CASQ2: variants seen among roughly 807,000 people sequenced by gnomAD.
CASQ2 encodes the protein calsequestrin 2.
A neutral mutation model predicts 46.5 loss-of-function variants in CASQ2; 49 were observed. The observed-to-expected ratio is 1.05, with a 90% CI of 0.84 to 1.34. CASQ2 has a LOEUF of 1.34. Among genes scored for constraint, CASQ2 ranks in the 40% most tolerant of loss-of-function variants. The pLI, the probability that CASQ2 is intolerant of heterozygous loss-of-function variation, is 0.00. For synonymous variants in CASQ2, 174 were observed against 168.5 expected (o/e 1.03, Z -0.25); for missense variants, 486 against 481.3 (o/e 1.01, Z -0.09).
At chr1:115,704,882 G>T (rs1458431925) in intron 9 of CASQ2, among the ~76,000 whole-genome samples, 2 of 152,226 alleles carry the variant, frequency 1.3e-5, no homozygotes, top group African/African-American at 2.4e-5. Flanking sequence ...TAGTTCTGGG[G>T]ACTGGGAATG....
rs1305821530 is a variant in CASQ2, at chr1:115,700,710, T to C, written c.*531A>G. ...AACAAAGCCATGAGAATATGATTTATAAGTTTGCTTCCAAGGCTGAGCCTT... is the reference window on the plus strand; with the variant it reads ...AACAAAGCCATGAGAATATGATTTACAAGTTTGCTTCCAAGGCTGAGCCTT... On this transcript the variant is annotated 3_prime_UTR_variant, in exon 11 of 11. Transcript: ENST00000261448. 4 of 340,078 alleles carry C rather than the reference T, an allele frequency of 1.2e-5. No individual in the cohort carries two copies. Among genetic ancestry groups the C allele is most frequent in the Non-Finnish European group, 2.1e-5 (4 of 187,792 alleles). 21.1% of individuals were successfully genotyped at this position (340,078 alleles called of 1,614,324 possible).
In CASQ2 at chr1:115,761,609, C is replaced by T. The variant is rs181840345; in HGVS notation, c.234+6699G>A. Among the ~76,000 whole-genome samples, 26 of 150,676 alleles carry T rather than the reference C, an allele frequency of 1.7e-4. No homozygotes were observed. In the South Asian group the frequency reaches 3.0e-3, roughly 17 times the overall value. ...GCCTGAAGAGGCTACAGTCACTCTCCGCTAAAGTTTACTTTTTATTGATAT... is the reference window on the plus strand; with the variant it reads ...GCCTGAAGAGGCTACAGTCACTCTCTGCTAAAGTTTACTTTTTATTGATAT... On this transcript the variant is annotated intron_variant, in intron 1 of 10. Transcript: ENST00000261448.
At chr1:115,747,177 T>C (rs1042895398) in intron 1 of CASQ2, among the ~76,000 whole-genome samples, 1 of 152,228 alleles carries the variant, frequency 6.6e-6, no homozygotes, top group African/African-American at 2.4e-5. Flanking sequence ...GGTTCCTTTT[T>C]CTTTTTTTGC....
intron 2 of CASQ2, 109 bp from the exon 3 acceptor site, chr1:115,740,937 A>G: frequency 1.3e-6 from 1 of 750,470 alleles, no homozygotes; most frequent in East Asian, 2.6e-5. Context: ...GGTCAGGATT[A>G]GTGGAACTAG....
intron 1 of CASQ2, among the ~76,000 whole-genome samples, chr1:115,746,661 T>G (rs1648400359): frequency 6.6e-6 from 1 of 152,244 alleles, no homozygotes; most frequent in Non-Finnish European, 1.5e-5. Context: ...CATCTTTTGC[T>G]CATTTTTCAA....
At chr1:115,737,801 C>T (rs1315461777) in intron 4 of CASQ2, among the ~76,000 whole-genome samples, 2 of 152,178 alleles carry the variant, frequency 1.3e-5, no homozygotes, top group Non-Finnish European at 2.9e-5. Context: ...CACTGCTAAG[C>T]CCATCCCTAC....
chr1:115,730,545 G>A (rs1304080553), intron 5 of CASQ2, among the ~76,000 whole-genome samples: 1 of 152,162 alleles, frequency 6.6e-6, no homozygotes, highest in African/African-American at 2.4e-5. Context: ...GACATTTCCA[G>A]TTGAATGTTT....
intron 1 of CASQ2, among the ~76,000 whole-genome samples, chr1:115,766,868 TAGATAGATAG>T (rs1254117715): frequency 1.4e-5 from 1 of 70,088 alleles, no homozygotes; most frequent in African/African-American, 4.9e-5. Flanking sequence ...CTAGAGATGA[TAGATAGATAG>T]ATAGATAGAT....
intron 1 of CASQ2, among the ~76,000 whole-genome samples, chr1:115,756,497 TGCC>T (rs1230114854): frequency 9.2e-5 from 14 of 152,218 alleles, no homozygotes; most frequent in Admixed American, 2.0e-4. Flanking sequence ...AAGCTCAAAC[TGCC>T]GCAGAGTAGG....
At chr1:115,726,804 A>G (rs1232477573) in intron 6 of CASQ2, among the ~76,000 whole-genome samples, 188 bp downstream of exon 6, 1 of 152,154 alleles carries the variant, frequency 6.6e-6, no homozygotes, top group African/African-American at 2.4e-5. Context: ...GCAGGTGCAG[A>G]CTTAGATTCA....
intron 4 of CASQ2, among the ~76,000 whole-genome samples, chr1:115,737,198 T>C (rs1297914075): frequency 6.6e-6 from 1 of 152,196 alleles, no homozygotes; most frequent in East Asian, 1.9e-4. Flanking sequence ...CAAATCTCCC[T>C]GGTTAGCCAC....
chr1:115,738,889 C>T (rs1250203086), intron 3 of CASQ2, among the ~76,000 whole-genome samples: 2 of 151,672 alleles, frequency 1.3e-5, no homozygotes, highest in Admixed American at 6.6e-5. Flanking sequence ...CCACCACCCC[C>T]ACCCCATCCT....
intron 1 of CASQ2, among the ~76,000 whole-genome samples, chr1:115,764,973 C>T (rs1240869001): frequency 1.3e-5 from 2 of 152,150 alleles, no homozygotes; most frequent in Non-Finnish European, 2.9e-5. Flanking sequence ...AGAAATGAGG[C>T]CCTCTTGGCC....
chr1:115,743,635 T>C (rs1648273201), intron 2 of CASQ2, among the ~76,000 whole-genome samples: 1 of 152,076 alleles, frequency 6.6e-6, no homozygotes, highest in Non-Finnish European at 1.5e-5. Context: ...TCTGTAATTT[T>C]CCAGGATAAC....
chr1:115,757,797 C>T (rs979683103), intron 1 of CASQ2, among the ~76,000 whole-genome samples: 2 of 152,172 alleles, frequency 1.3e-5, no homozygotes, highest in Non-Finnish European at 2.9e-5. Context: ...GATTCAACCT[C>T]TTTACAATTG....
chr1:115,702,508 G>C (rs1428751383), intron 10 of CASQ2, among the ~76,000 whole-genome samples: 2 of 152,216 alleles, frequency 1.3e-5, no homozygotes, highest in Admixed American at 6.5e-5. Flanking sequence ...CTGGTCTCCT[G>C]CCTGTAGAGT....
At chr1:115,702,537 C>G (rs1654238679) in intron 10 of CASQ2, among the ~76,000 whole-genome samples, 1 of 152,232 alleles carries the variant, frequency 6.6e-6, no homozygotes, top group Non-Finnish European at 1.5e-5. Context: ...GCCTGGGATT[C>G]TAGGCCACAA....
At chr1:115,757,210 A>G (rs1648792372) in intron 1 of CASQ2, among the ~76,000 whole-genome samples, 1 of 152,196 alleles carries the variant, frequency 6.6e-6, no homozygotes, top group African/African-American at 2.4e-5. Context: ...TTTTACAACT[A>G]GCATTTCTGT....
chr1:115,746,051 G>C (rs988271146), intron 1 of CASQ2, among the ~76,000 whole-genome samples: 1 of 152,168 alleles, frequency 6.6e-6, no homozygotes, highest in Middle Eastern at 3.4e-3. Context: ...GTCATTTCAA[G>C]AATGTTATGT....
Sources: gnomAD v4.1 joint callset for allele counts (sites outside exome capture counted in the v4.1 genomes callset) on GRCh38, gnomAD v4.1.1 for gene constraint, MANE v1.5 for transcripts, NCBI Gene and HGNC (gene_info 2026-07-23, HGNC 2026-07-21) for gene names.